The following PTGES3 variants were observed in gnomAD, a reference collection of about 807,000 sequenced individuals.
PTGES3 encodes prostaglandin E synthase 3, also known as Hsp90 co-chaperone.
In PTGES3, 5 loss-of-function variants were observed where a neutral mutation model predicts 29.9. The ratio of observed to expected loss-of-function variants is 0.17; its 90% confidence interval spans 0.09 to 0.35. The LOEUF (loss-of-function observed/expected upper bound fraction) is 0.35, where lower values mean the gene tolerates loss of function less well. PTGES3 is among the 10% of genes least tolerant of loss of function. The pLI is 1.00. For missense variants in PTGES3, 128 were observed against 190.0 expected (o/e 0.67, Z 1.92); for synonymous variants, 49 against 57.8 (o/e 0.85, Z 0.69).
intron 1 of PTGES3, among the ~76,000 whole-genome samples, chr12:56,683,167 G>A (rs1440074585): frequency 6.6e-6 from 1 of 151,764 alleles, no homozygotes; most frequent in African/African-American, 2.4e-5. Flanking sequence ...GGCCAAGATG[G>A]TGAAACCCCA....
At chr12:56,678,271 G>A (rs572478904) in intron 1 of PTGES3, among the ~76,000 whole-genome samples, 1 of 152,232 alleles carries the variant, frequency 6.6e-6, no homozygotes, top group African/African-American at 2.4e-5. Flanking sequence ...TCTGCCTCCT[G>A]GGTTCAAGCA....
intron 1 of PTGES3, among the ~76,000 whole-genome samples, chr12:56,680,551 ATTTT>A (rs1208286123): frequency 1.3e-5 from 2 of 151,192 alleles, no homozygotes; most frequent in Non-Finnish European, 2.9e-5. Flanking sequence ...AGGCCTAGCA[ATTTT>A]TTTTAAGTAG....
intron 1 of PTGES3, chr12:56,687,695 C>T (rs1952946806): frequency 4.6e-6 from 6 of 1,313,008 alleles, no homozygotes; most frequent in Non-Finnish European, 5.8e-6. Flanking sequence ...CTACCGGGAG[C>T]TTAAGGCCTA....
intron 1 of PTGES3, among the ~76,000 whole-genome samples, chr12:56,682,706 C>CGT (rs1469419264): frequency 1.1e-5 from 1 of 87,084 alleles, no homozygotes; most frequent in Non-Finnish European, 2.0e-5. Context: ...GGTAAGATCC[C>CGT]GTCTCCATTT....
At position 56,673,033 on chromosome 12, in the gene PTGES3, C is replaced by T. The variant is rs745488227; in HGVS notation, c.35G>A (p.Arg12Lys). The T allele has an allele frequency of 1.5e-5, 24 of 1,607,738 alleles. No homozygotes were observed. The highest frequency in any genetic ancestry group is 2.0e-5 in the Non-Finnish European group (23 of 1,178,458). ...ACAAAATTCAATGAAGACATAGTCC[C>T]TTCGATCGTACCACTTTGCAGAAGC... Reference protein sequence around the residue: ...QPASAKWYDRRDYVFIEFCVE... With the variant: ...QPASAKWYDRKDYVFIEFCVE... Residue 12 changes from arginine to lysine, a missense_variant, in exon 2 of 8, where the codon AGG (arginine) becomes AAG (lysine). Transcript: ENST00000262033.
At chr12:56,680,709 A>AT (rs1952491512) in intron 1 of PTGES3, among the ~76,000 whole-genome samples, 1 of 151,224 alleles carries the variant, frequency 6.6e-6, no homozygotes, top group African/African-American at 2.4e-5. Flanking sequence ...GAGGGAATAC[A>AT]TATGTGTTTA....
chr12:56,675,585 T>C (rs1952202964), intron 1 of PTGES3, among the ~76,000 whole-genome samples: 1 of 150,794 alleles, frequency 6.6e-6, no homozygotes, highest in Non-Finnish European at 1.5e-5. Context: ...AAGCTGAATA[T>C]TTACTGGCTG....
chr12:56,686,855 C>CA (rs1952887842), intron 1 of PTGES3: 2 of 388,990 alleles, frequency 5.1e-6, no homozygotes, highest in South Asian at 2.8e-4. Flanking sequence ...TTGAATCAAG[C>CA]AAATCCTTAT....
chr12:56,669,695 T>C (rs1315641811), intron 5 of PTGES3, among the ~76,000 whole-genome samples: 1 of 152,302 alleles, frequency 6.6e-6, no homozygotes, highest in Non-Finnish European at 1.5e-5. Flanking sequence ...CACTGCATCC[T>C]CTGCCTCCAG....
intron 5 of PTGES3, among the ~76,000 whole-genome samples, chr12:56,669,820 C>G (rs762917196): frequency 1.3e-5 from 2 of 151,370 alleles, no homozygotes; most frequent in African/African-American, 2.4e-5. Context: ...CCAAGTTGGC[C>G]CGTATGATCT....
At chr12:56,669,317 C>G (rs576319759) in intron 5 of PTGES3, among the ~76,000 whole-genome samples, 3 of 152,232 alleles carry the variant, frequency 2.0e-5, no homozygotes, top group South Asian at 2.1e-4. Flanking sequence ...CTCGGCCTCC[C>G]GAGTAGCTGG....
chr12:56,681,075 C>G (rs1952513427), intron 1 of PTGES3, among the ~76,000 whole-genome samples: 1 of 152,038 alleles, frequency 6.6e-6, no homozygotes, highest in African/African-American at 2.4e-5. Flanking sequence ...CCTGGTCCCC[C>G]CATTTGTAGT....
intron 4 of PTGES3, among the ~76,000 whole-genome samples, chr12:56,670,941 GA>G (rs1157594661): frequency 6.6e-6 from 1 of 152,004 alleles, no homozygotes; most frequent in African/African-American, 2.4e-5. Context: ...TGTATCTGGG[GA>G]AAAAACAAAA....
chr12:56,665,024 G>A, intron 6 of PTGES3: 1 of 985,304 alleles, frequency 1.0e-6, no homozygotes, highest in South Asian at 4.7e-5. Flanking sequence ...TGTGCCTTTT[G>A]GTGACAATTT....
intron 1 of PTGES3, among the ~76,000 whole-genome samples, chr12:56,685,173 T>C (rs1280887499): frequency 6.6e-6 from 1 of 152,198 alleles, no homozygotes; most frequent in Non-Finnish European, 1.5e-5. Context: ...TAAGACTGGA[T>C]GACGACCCAT....
At chr12:56,676,050 A>G (rs1373225953) in intron 1 of PTGES3, among the ~76,000 whole-genome samples, 1 of 151,840 alleles carries the variant, frequency 6.6e-6, no homozygotes, top group East Asian at 1.9e-4. Flanking sequence ...AACGTGGAGA[A>G]ACCCCGTCTC....
intron 1 of PTGES3, among the ~76,000 whole-genome samples, chr12:56,682,170 T>G (rs554946051): frequency 1.3e-5 from 2 of 152,248 alleles, no homozygotes; most frequent in South Asian, 4.1e-4. Flanking sequence ...TCAAATGAAG[T>G]GTGGCTTCAT....
At chr12:56,669,166 C>T (rs1477366687) in intron 5 of PTGES3, among the ~76,000 whole-genome samples, 4 of 151,772 alleles carry the variant, frequency 2.6e-5, no homozygotes, top group African/African-American at 7.3e-5. Flanking sequence ...TGCACTACCA[C>T]GCCTAGCTAT....
At chr12:56,682,166 G>T (rs769217419) in intron 1 of PTGES3, among the ~76,000 whole-genome samples, 5 of 152,152 alleles carry the variant, frequency 3.3e-5, no homozygotes, top group Non-Finnish European at 5.9e-5. Context: ...ACTATCAAAT[G>T]AAGTGTGGCT....
Sources: gnomAD v4.1 joint callset for allele counts (sites outside exome capture counted in the v4.1 genomes callset) on GRCh38, gnomAD v4.1.1 for gene constraint, MANE v1.5 for transcripts, NCBI Gene and HGNC (gene_info 2026-07-23, HGNC 2026-07-21) for gene names.